Variants in ANK2 observed in about 807,000 individuals in gnomAD.
ANK2 encodes the protein ankyrin 2, also known as ankyrin-2.
A neutral mutation model predicts 360.5 loss-of-function variants in ANK2; 83 were observed. That is an observed-to-expected ratio of 0.23 (90% CI 0.19 to 0.28). ANK2 has a LOEUF of 0.28. ANK2 is among the 10% of genes least tolerant of loss of function. ANK2 has a pLI of 1.00. For missense variants in ANK2, 4,201 were observed against 4,795.7 expected, an observed-to-expected ratio of 0.88 and a Z score of 3.66; for synonymous variants, 1,740 against 1,759.5, an observed-to-expected ratio of 0.99 and a Z score of 0.28.
intron 10 of ANK2, among the ~76,000 whole-genome samples, chr4:113,251,333 A>G (rs1430722447): frequency 1.3e-5 from 2 of 152,118 alleles, no homozygotes; most frequent in Non-Finnish European, 2.9e-5. Context: ...TTCAAATGTA[A>G]GGATCCTGCA....
chr4:112,725,782 A>G, the ANK2 span, among the ~76,000 whole-genome samples: 4 of 152,152 alleles, frequency 2.6e-5, no homozygotes, highest in Non-Finnish European at 5.9e-5. Context: ...GGCTGGGGGA[A>G]TGGGAAGTTG....
intron 21 of ANK2, chr4:113,292,871 A>C: frequency 2.6e-6 from 1 of 377,862 alleles, no homozygotes; most frequent in Non-Finnish European, 5.1e-6. Flanking sequence ...AGCTTAAACA[A>C]AGCTCATTGA....
the ANK2 span, among the ~76,000 whole-genome samples, chr4:112,758,202 G>A: frequency 1.3e-5 from 2 of 151,900 alleles, no homozygotes; most frequent in Non-Finnish European, 2.9e-5. Context: ...GTCCGGCCAA[G>A]ATGGATTTTT....
In ANK2 at chr4:113,353,124, C is replaced by T. The variant is rs2095523371; in HGVS notation, c.4506C>T (p.Asp1502=). ...VNEVPVLASP[D]LLSEVSEMKQ... is the part of the protein sequence containing the mutation. The stretch of plus-strand genomic sequence containing the variant: ...AAGTTCCTGTCCTAGCAAGTCCGGA[C>T]TTGCTCTCTGAAGTTTCTGAGATGA... Residue 1502 remains aspartate, a synonymous_variant, in exon 38 of 46, where the codon GAC becomes GAT. Transcript: ENST00000357077. The T allele has an allele frequency of 6.2e-7, 1 of 1,614,078 alleles. No homozygotes were observed. The highest frequency in any genetic ancestry group is 1.1e-5 in the South Asian group (1 of 91,086).
chr4:112,816,522 A>G (rs2055650109), upstream of ANK2, among the ~76,000 whole-genome samples: 2 of 152,088 alleles, frequency 1.3e-5, no homozygotes, highest in Middle Eastern at 3.2e-3. Context: ...AAATACTATT[A>G]TATTGATTAC....
chr4:113,129,389 C>T (rs1441645579), intron 1 of ANK2, among the ~76,000 whole-genome samples: 1 of 152,102 alleles, frequency 6.6e-6, no homozygotes, highest in East Asian at 1.9e-4. Context: ...AAAGTTGAGA[C>T]ACAATTGCTT....
intron 2 of ANK2, among the ~76,000 whole-genome samples, chr4:113,023,285 G>A (rs1021059258): frequency 6.6e-5 from 10 of 152,030 alleles, no homozygotes; most frequent in Non-Finnish European, 1.0e-4. Context: ...CCCTCATTTC[G>A]TTTCACAAAC....
intron 2 of ANK2, among the ~76,000 whole-genome samples, chr4:112,969,598 C>T (rs968251189): frequency 3.3e-5 from 5 of 152,202 alleles, no homozygotes; most frequent in East Asian, 3.9e-4. Context: ...ACCAATGCTC[C>T]GAAGTGGCAG....
At chr4:113,015,100 C>T (rs1036811835) in intron 2 of ANK2, among the ~76,000 whole-genome samples, 5 of 151,804 alleles carry the variant, frequency 3.3e-5, no homozygotes, top group African/African-American at 9.7e-5. Context: ...CCTCATGATC[C>T]GCCCGCCTCT....
intron 1 of ANK2, among the ~76,000 whole-genome samples, chr4:112,901,409 A>C (rs779065135): frequency 3.3e-4 from 50 of 152,210 alleles, no homozygotes; most frequent in Non-Finnish European, 6.6e-4. Flanking sequence ...ACTAGGTTAA[A>C]ATTAGTGAGT....
intron 1 of ANK2, among the ~76,000 whole-genome samples, chr4:112,839,292 A>G (rs1171815948): frequency 6.6e-6 from 1 of 152,214 alleles, no homozygotes; most frequent in African/African-American, 2.4e-5. Flanking sequence ...TGTGCTGAAG[A>G]TAATATAGTA....
rs1415336522 is a variant in ANK2 at position 113,341,933 on chromosome 4, A to G, written c.4122+17A>G. 6.4e-6 allele frequency: 10 copies of G among 1,552,394 alleles called. No individual in the cohort carries two copies. The highest frequency in any genetic ancestry group is 1.1e-5 in the South Asian group (1 of 89,864). Reference sequence around the variant, plus strand: ...GATGTGGAGGTACTGTACCAAAAATAATAATAATAATTTATGCCATGTTGT... The same window carrying G: ...GATGTGGAGGTACTGTACCAAAAATGATAATAATAATTTATGCCATGTTGT... On this transcript the variant is annotated intron_variant, in intron 33 of 45. Coordinates refer to ENST00000357077, the MANE Select transcript of ANK2 (RefSeq NM_001148.6).
intron 1 of ANK2, among the ~76,000 whole-genome samples, chr4:113,094,584 G>A (rs920648112): frequency 1.3e-5 from 2 of 152,138 alleles, no homozygotes; most frequent in Non-Finnish European, 2.9e-5. Context: ...AAGCTGCAGT[G>A]TATTACAGTT....
At chr4:113,125,976 A>AATTTTATG (rs968726814) in intron 1 of ANK2, among the ~76,000 whole-genome samples, 1 of 152,178 alleles carries the variant, frequency 6.6e-6, no homozygotes, top group Admixed American at 6.5e-5. Flanking sequence ...TGGTGCATGA[A>AATTTTATG]ATTTTATGGA....
intron 1 of ANK2, among the ~76,000 whole-genome samples, chr4:112,864,373 G>T (rs115716046): frequency 0.054 from 8,256 of 152,168 alleles, 389 homozygotes; most frequent in African/African-American, 0.12. Context: ...GCAATGGCAT[G>T]ATCTCAGCTC....
intron 1 of ANK2, among the ~76,000 whole-genome samples, chr4:113,133,221 G>GA (rs974476059): frequency 1.3e-5 from 2 of 152,048 alleles, no homozygotes; most frequent in African/African-American, 4.8e-5. Flanking sequence ...GATGGAAGTC[G>GA]AAAAAAGTTT....
chr4:112,817,531 T>C (rs958495222), upstream of ANK2, among the ~76,000 whole-genome samples: 2 of 152,156 alleles, frequency 1.3e-5, no homozygotes, highest in African/African-American at 4.8e-5. Flanking sequence ...TGTATTGCAC[T>C]GAGTCTCATG....
chr4:113,214,662 A>C (rs1205510283), intron 4 of ANK2, among the ~76,000 whole-genome samples: 1 of 152,122 alleles, frequency 6.6e-6, no homozygotes. Flanking sequence ...TTAAGCAGCA[A>C]GTTTTTATGT....
chr4:113,080,411 G>A (rs989923105), intron 1 of ANK2, among the ~76,000 whole-genome samples: 1 of 152,014 alleles, frequency 6.6e-6, no homozygotes, highest in Admixed American at 6.5e-5. Flanking sequence ...TTCTTAGAAC[G>A]GTTTATCATT....
Sources: allele counts gnomAD v4.1 joint callset (sites outside exome capture counted in the v4.1 genomes callset), GRCh38; gene constraint gnomAD v4.1.1; transcripts MANE v1.5; gene names NCBI Gene and HGNC (gene_info 2026-07-23, HGNC 2026-07-21).